Variants in UGT1A8 observed in about 807,000 individuals in gnomAD.
UGT1A8 encodes UDP glucuronosyltransferase family 1 member A8.
UGT1A8 carries 39 observed loss-of-function variants against 45.3 expected under a neutral mutation model. That is an observed-to-expected ratio of 0.86 (90% CI 0.67 to 1.12). The LOEUF (loss-of-function observed/expected upper bound fraction) is 1.12, where lower values mean the gene tolerates loss of function less well. Ranked by LOEUF, UGT1A8 falls within the 50% of genes most tolerant of loss-of-function variation. The pLI, the probability that UGT1A8 is intolerant of heterozygous loss-of-function variation, is 0.00. For missense variants in UGT1A8, 719 were observed against 664.9 expected (o/e 1.08, Z -0.90); for synonymous variants, 275 against 249.2 (o/e 1.10, Z -0.97).
intron 1 of UGT1A8, among the ~76,000 whole-genome samples, chr2:233,633,917 A>G (rs1444695006): frequency 1.3e-5 from 2 of 151,956 alleles, no homozygotes; most frequent in Non-Finnish European, 2.9e-5. Context: ...TTGATTTTAG[A>G]TCTTTCCTGC....
In UGT1A8 at chr2:233,693,644, G is replaced by T. The variant is rs775312118; in HGVS notation, c.856-73390G>T. On this transcript the variant is annotated intron_variant, in intron 1 of 4. Coordinates refer to ENST00000373450, the MANE Select transcript of UGT1A8 (RefSeq NM_019076.5). The stretch of plus-strand genomic sequence containing the variant: ...TTCCCAACGAGTGGCCAACTTCCTT[G>T]TTAATTTGTTGGAGCCCTATCTATT... The T allele has an allele frequency of 1.4e-5, 22 of 1,614,158 alleles. No homozygotes were observed. The South Asian group carries it at 2.1e-4, about 15-fold the overall frequency.
chr2:233,729,284 C>T, intron 1 of UGT1A8: 1 of 1,614,206 alleles, frequency 6.2e-7, no homozygotes, highest in Non-Finnish European at 8.5e-7. Flanking sequence ...GAGCTCCATG[C>T]CAGAGGCCAC....
At chr2:233,745,609 C>A (rs1421404648) in intron 1 of UGT1A8, among the ~76,000 whole-genome samples, 2 of 151,524 alleles carry the variant, frequency 1.3e-5, no homozygotes, top group Admixed American at 6.6e-5. Context: ...ACTTGGTAAG[C>A]ACACAATGAA....
chr2:233,690,621 C>T, intron 1 of UGT1A8: 2 of 1,289,096 alleles, frequency 1.6e-6, no homozygotes, highest in Middle Eastern at 2.1e-4. Context: ...CCTGGACACT[C>T]AAGTGATACC....
intron 1 of UGT1A8, among the ~76,000 whole-genome samples, chr2:233,643,741 A>G (rs1466280135): frequency 6.6e-6 from 1 of 152,074 alleles, no homozygotes; most frequent in African/African-American, 2.4e-5. Context: ...TTCAGGTTCC[A>G]AGGTCTCTTC....
At chr2:233,746,498 T>C (rs4663968) in intron 1 of UGT1A8, among the ~76,000 whole-genome samples, 12,171 of 151,768 alleles carry the variant, frequency 0.08, 741 homozygotes, top group East Asian at 0.2. Flanking sequence ...TGTCACTCTT[T>C]AGTAGCCCCC....
chr2:233,624,406 G>GT (rs1356691128), intron 1 of UGT1A8, among the ~76,000 whole-genome samples: 1 of 152,058 alleles, frequency 6.6e-6, no homozygotes, highest in East Asian at 1.9e-4. Flanking sequence ...GGGGTTATAG[G>GT]TTTTTAGTAG....
intron 1 of UGT1A8, among the ~76,000 whole-genome samples, chr2:233,735,286 T>C (rs1434598699): frequency 2.0e-5 from 3 of 152,196 alleles, no homozygotes; most frequent in African/African-American, 7.2e-5. Flanking sequence ...CTTTGTCTCT[T>C]TTGATTTTTG....
At chr2:233,767,271 T>G in intron 2 of UGT1A8, 106 bp downstream of exon 2, 1 of 1,583,574 alleles carries the variant, frequency 6.3e-7, no homozygotes, top group East Asian at 2.2e-5. Context: ...TAGATTTGGC[T>G]TTTCCCTGCC....
At chr2:233,701,489 C>T (rs4024061) in intron 1 of UGT1A8, among the ~76,000 whole-genome samples, 4,094 of 152,166 alleles carry the variant, frequency 0.027, 90 homozygotes, top group African/African-American at 0.046. Context: ...CTGCACCAAG[C>T]GGACCTAATA....
intron 1 of UGT1A8, among the ~76,000 whole-genome samples, chr2:233,650,365 A>T (rs996855134): frequency 2.0e-5 from 3 of 152,236 alleles, no homozygotes; most frequent in Non-Finnish European, 4.4e-5. Context: ...CAACAAGTAG[A>T]AAATTTGTTC....
intron 1 of UGT1A8, chr2:233,747,091 T>G (rs1693559747): frequency 8.0e-7 from 1 of 1,256,442 alleles, no homozygotes. Context: ...AGGAGAGCAC[T>G]CTATCTTCCA....
rs555894785 is a variant in UGT1A8, at chr2:233,635,882, G to A, written c.855+17320G>A. On this transcript the variant is annotated intron_variant, in intron 1 of 4. Transcript: ENST00000373450. ...TATCTGAGGAAAGTCATTAAAATAG[G>A]TGATGGTCACTTTCCATCAAGTCCC... Among the ~76,000 whole-genome samples, 46 of 151,140 alleles carry A rather than the reference G, an allele frequency of 3.0e-4. 1 individual carries two copies. Among genetic ancestry groups the A allele is most frequent in the Non-Finnish European group, 5.0e-4 (34 of 67,936 alleles).
intron 1 of UGT1A8, among the ~76,000 whole-genome samples, chr2:233,728,801 G>A (rs1420338275): frequency 4.1e-4 from 62 of 152,222 alleles, no homozygotes; most frequent in Admixed American, 4.1e-3. Context: ...CAGAGAAGTA[G>A]GAGACAGTGA....
At chr2:233,628,847 CTT>C (rs1034072928) in intron 1 of UGT1A8, among the ~76,000 whole-genome samples, 3 of 152,072 alleles carry the variant, frequency 2.0e-5, no homozygotes, top group African/African-American at 7.2e-5. Flanking sequence ...TTGTCAAACA[CTT>C]TTTCCATACC....
In UGT1A8 at chr2:233,617,877, T is replaced by C; in HGVS notation, c.170T>C (p.Val57Ala). The change falls in exon 1 of 5, where the codon GTA becomes GCA. Residue 57 changes from valine to alanine, a missense_variant. By Grantham distance (64) the Val-to-Ala change is moderately conservative. Transcript: ENST00000373450. ...ATCCTCAGGGGGCATGAGGTGGTTGTAGTCATGCCAGAGGTGAGTTGGCAA... is the reference window on the plus strand; with the variant it reads ...ATCCTCAGGGGGCATGAGGTGGTTGCAGTCATGCCAGAGGTGAGTTGGCAA... ...KLILRGHEVV[V>A]VMPEVSWQLG... 6.2e-7 allele frequency: 1 copy of C among 1,614,126 alleles called. No individual in the cohort carries two copies. Among genetic ancestry groups the C allele is most frequent in the Non-Finnish European group, 8.5e-7 (1 of 1,180,036 alleles).
rs917335869 is a variant in UGT1A8, at chr2:233,769,898, A to C, written c.1295+1459A>C. 2.9e-6 allele frequency: 1 copy of C among 349,938 alleles called. No individual in the cohort carries two copies. Among genetic ancestry groups the C allele is most frequent in the Non-Finnish European group, 5.1e-6 (1 of 194,280 alleles). The allele number at this position is 349,938 out of a possible 1,614,324, so 21.7% of individuals were successfully genotyped here. Reference sequence around the variant, plus strand: ...AATGAAAAGTCCACATAACCTGAGCATCATGTGCCCAGAGCGTTGGGTGGT... The same window carrying C: ...AATGAAAAGTCCACATAACCTGAGCCTCATGTGCCCAGAGCGTTGGGTGGT... On this transcript the variant is annotated intron_variant, in intron 4 of 4. Transcript: ENST00000373450. The surrounding 1 kb of genome is among the most constrained non-coding windows in gnomAD (Gnocchi z 4.4).
At chr2:233,734,402 G>T (rs2078521396) in intron 1 of UGT1A8, among the ~76,000 whole-genome samples, 1 of 152,028 alleles carries the variant, frequency 6.6e-6, no homozygotes. Flanking sequence ...GCGTCTATTT[G>T]ATTCTTCTCT....
At chr2:233,760,657 T>G in intron 1 of UGT1A8, 1 of 1,614,222 alleles carries the variant, frequency 6.2e-7, no homozygotes. Flanking sequence ...TGCTATGCTT[T>G]TGTCTGGCTG....
Sources: gnomAD v4.1 joint callset for allele counts (sites outside exome capture counted in the v4.1 genomes callset) on GRCh38, gnomAD v4.1.1 for gene constraint, Gnocchi (gnomAD v3.1) non-coding constraint, MANE v1.5 for transcripts, NCBI Gene and HGNC (gene_info 2026-07-23, HGNC 2026-07-21) for gene names.